C12orf42: variants seen among roughly 807,000 people sequenced by gnomAD.
The protein encoded by C12orf42 is chromosome 12 open reading frame 42.
In C12orf42, 25 loss-of-function variants were observed where a neutral mutation model predicts 21.6. The ratio of observed to expected loss-of-function variants is 1.16; its 90% CI spans 0.84 to 1.62. C12orf42 has a LOEUF of 1.62. Among genes scored for constraint, C12orf42 ranks in the 40% most tolerant of loss-of-function variants. The probability of loss-of-function intolerance (pLI) is 0.00; values close to 1 mark genes in which losing one functional copy is unlikely to be tolerated. For synonymous variants in C12orf42, 174 were observed against 175.0 expected, an observed-to-expected ratio of 0.99 and a Z score of 0.05; for missense variants, 483 against 459.3, an observed-to-expected ratio of 1.05 and a Z score of -0.47.
the C12orf42 span, among the ~76,000 whole-genome samples, chr12:103,188,927 G>A: frequency 6.6e-6 from 1 of 152,196 alleles, no homozygotes; most frequent in African/African-American, 2.4e-5. Flanking sequence ...AAAGAAGTCA[G>A]TCTTAAAATG....
chr12:103,082,141 G>A, the C12orf42 span, among the ~76,000 whole-genome samples: 1 of 152,126 alleles, frequency 6.6e-6, no homozygotes. Flanking sequence ...AGTCCATTTG[G>A]GTTAATCATT....
At chr12:103,477,199 A>T (rs1419039791) in intron 2 of C12orf42, among the ~76,000 whole-genome samples, 2 of 152,168 alleles carry the variant, frequency 1.3e-5, no homozygotes, top group Admixed American at 1.3e-4. Context: ...ATGAAGAAAA[A>T]CAATACATGG....
At chr12:103,362,792 A>G (rs1490653949) in intron 4 of C12orf42, among the ~76,000 whole-genome samples, 1 of 152,014 alleles carries the variant, frequency 6.6e-6, no homozygotes, top group Non-Finnish European at 1.5e-5. Context: ...CAATCCAACA[A>G]AGACAACAAA....
the C12orf42 span, among the ~76,000 whole-genome samples, chr12:103,099,228 T>G: frequency 6.6e-6 from 1 of 152,198 alleles, no homozygotes; most frequent in African/African-American, 2.4e-5. Flanking sequence ...TTTGTTGGAC[T>G]CCTAGATGGA....
At chr12:103,344,163 T>C (rs1344529418) in intron 4 of C12orf42, among the ~76,000 whole-genome samples, 1 of 152,172 alleles carries the variant, frequency 6.6e-6, no homozygotes, top group Non-Finnish European at 1.5e-5. Flanking sequence ...TCATTGTTGT[T>C]ATACAATAAA....
chr12:103,546,876 T>A, the C12orf42 span, among the ~76,000 whole-genome samples: 1 of 152,174 alleles, frequency 6.6e-6, no homozygotes, highest in East Asian at 1.9e-4. Flanking sequence ...AACATCTTTG[T>A]CTCCAAAGAC....
At chr12:103,201,622 C>T in the C12orf42 span, among the ~76,000 whole-genome samples, 3 of 152,298 alleles carry the variant, frequency 2.0e-5, no homozygotes, top group African/African-American at 7.2e-5. Context: ...TCTTCAGCAA[C>T]TCCTCACGTA....
At chr12:103,345,964 C>A (rs2042587232) in intron 4 of C12orf42, among the ~76,000 whole-genome samples, 3 of 152,156 alleles carry the variant, frequency 2.0e-5, no homozygotes, top group Admixed American at 2.0e-4. Context: ...TATAATTCTT[C>A]AAAGCAATAA....
intron 4 of C12orf42, among the ~76,000 whole-genome samples, chr12:103,338,924 C>A (rs937833608): frequency 1.3e-5 from 2 of 152,138 alleles, no homozygotes; most frequent in African/African-American, 4.8e-5. Flanking sequence ...GACACCTAGC[C>A]ACAAGGCACA....
chr12:103,397,618 A>G (rs1184563586), intron 3 of C12orf42: 1 of 152,200 alleles, frequency 6.6e-6, no homozygotes, highest in Non-Finnish European at 1.5e-5. Flanking sequence ...CTTCCACAAA[A>G]CCAATTCCTG....
chr12:103,363,815 AC>A (rs1189640459), intron 4 of C12orf42, among the ~76,000 whole-genome samples: 3 of 152,138 alleles, frequency 2.0e-5, no homozygotes, highest in Non-Finnish European at 4.4e-5. Context: ...ATATATATGC[AC>A]CTGACACTGG....
intron 2 of C12orf42, among the ~76,000 whole-genome samples, chr12:103,452,258 G>T (rs1285849813): frequency 6.6e-6 from 1 of 152,024 alleles, no homozygotes; most frequent in African/African-American, 2.4e-5. Context: ...ATGGTGTCAG[G>T]ATTCCAAAAG....
At chr12:103,483,307 G>A (rs966941499) in intron 1 of C12orf42, among the ~76,000 whole-genome samples, 1 of 152,044 alleles carries the variant, frequency 6.6e-6, no homozygotes, top group African/African-American at 2.4e-5. Flanking sequence ...CATGTGTAGG[G>A]GCATAGCGTA....
At chr12:103,531,992 C>G in the C12orf42 span, among the ~76,000 whole-genome samples, 8 of 152,204 alleles carry the variant, frequency 5.3e-5, no homozygotes, top group Non-Finnish European at 1.2e-4. Flanking sequence ...AATGGCCTAT[C>G]TGTAAAACCT....
At chr12:103,146,692 G>A in the C12orf42 span, among the ~76,000 whole-genome samples, 34 of 152,230 alleles carry the variant, frequency 2.2e-4, 1 homozygote, top group East Asian at 2.7e-3. Flanking sequence ...GAAAATGTGT[G>A]CATTACAGTA....
At chr12:103,506,851 T>TATA in the C12orf42 span, among the ~76,000 whole-genome samples, 2 of 68,460 alleles carry the variant, frequency 2.9e-5, no homozygotes, top group African/African-American at 6.6e-5. Flanking sequence ...ATATATATAT[T>TATA]TATATATTAT....
the C12orf42 span, among the ~76,000 whole-genome samples, chr12:103,224,419 G>C: frequency 6.6e-6 from 1 of 152,174 alleles, no homozygotes; most frequent in African/African-American, 2.4e-5. Context: ...GATTAGGCCT[G>C]GTGGAACCGC....
intron 2 of C12orf42, among the ~76,000 whole-genome samples, chr12:103,463,486 T>G (rs1952881082): frequency 6.6e-6 from 1 of 152,210 alleles, no homozygotes; most frequent in Non-Finnish European, 1.5e-5. Flanking sequence ...TAAGATGGGA[T>G]GAAAACTGTA....
the C12orf42 span, among the ~76,000 whole-genome samples, chr12:103,105,962 A>C: frequency 6.6e-6 from 1 of 152,224 alleles, no homozygotes; most frequent in Non-Finnish European, 1.5e-5. Context: ...GGAAATATTC[A>C]AAAATTGATT....
Sources: allele counts gnomAD v4.1 joint callset (sites outside exome capture counted in the v4.1 genomes callset), GRCh38; gene constraint gnomAD v4.1.1; transcripts MANE v1.5; gene names NCBI Gene and HGNC (gene_info 2026-07-23, HGNC 2026-07-21).